Variants in GSE1 observed in about 807,000 individuals in gnomAD.
GSE1 encodes the protein genetic suppressor element 1.
GSE1 carries 32 observed loss-of-function variants against 112.6 expected under a neutral mutation model. The ratio of observed to expected loss-of-function variants is 0.28; its 90% CI spans 0.21 to 0.38. The LOEUF (loss-of-function observed/expected upper bound fraction) is 0.38. Ranked by LOEUF, GSE1 falls within the 10% of genes least tolerant of loss-of-function variation. GSE1 has a pLI of 1.00. For synonymous variants in GSE1, 1,115 were observed against 735.6 expected, an observed-to-expected ratio of 1.52 and a Z score of -8.35; for missense variants, 2,348 against 1,699.2, an observed-to-expected ratio of 1.38 and a Z score of -6.71.
chr16:85,545,884 G>A (rs1436905793), intron 2 of GSE1, among the ~76,000 whole-genome samples: 1 of 152,064 alleles, frequency 6.6e-6, no homozygotes, highest in Non-Finnish European at 1.5e-5. Context: ...CCGGGTTCAC[G>A]CCATTCTTCT....
intron 2 of GSE1, among the ~76,000 whole-genome samples, chr16:85,515,391 G>A (rs927116511): frequency 4.3e-4 from 65 of 152,368 alleles, no homozygotes; most frequent in African/African-American, 1.3e-3. Flanking sequence ...GTTAAGTAGC[G>A]AGCTGGCAGT....
At chr16:85,199,883 G>A (rs983330268) in intron 1 of GSE1, among the ~76,000 whole-genome samples, 7 of 152,228 alleles carry the variant, frequency 4.6e-5, no homozygotes, top group East Asian at 3.9e-4. Flanking sequence ...CTACTGCAGT[G>A]GTCCGAGCAC....
intron 2 of GSE1, among the ~76,000 whole-genome samples, chr16:85,462,706 A>G (rs1597827077): frequency 1.1e-5 from 1 of 89,336 alleles, no homozygotes; most frequent in Non-Finnish European, 2.4e-5. Flanking sequence ...GCGGCGCGGG[A>G]GGGAGGCGGG....
chr16:85,526,145 G>A lies in GSE1; in HGVS notation c.2465-107769G>A, dbSNP rs137988935. Among the ~76,000 whole-genome samples the A allele has an allele frequency of 3.0e-3, 459 of 152,272 alleles. 2 individuals carry two copies. Among genetic ancestry groups the A allele is most frequent in the African/African-American group, 9.4e-3 (390 of 41,542 alleles). Reference sequence around the variant, plus strand: ...ACACCTGACTCGCAGCCCACCAGCCGGACATCTCTGCACCCCCACCCTGTG... The same window carrying A: ...ACACCTGACTCGCAGCCCACCAGCCAGACATCTCTGCACCCCCACCCTGTG... On this transcript the variant is annotated intron_variant, in intron 2 of 2. Coordinates refer to the GSE1 transcript ENST00000637419.
chr16:85,326,037 AC>A (rs1390085648), intron 1 of GSE1, among the ~76,000 whole-genome samples: 2 of 152,058 alleles, frequency 1.3e-5, no homozygotes, highest in Non-Finnish European at 2.9e-5. Context: ...GTGAGCCACC[AC>A]CCCCAGCTCA....
At chr16:85,578,524 G>A (rs970798366) in intron 1 of GSE1, among the ~76,000 whole-genome samples, 4 of 152,144 alleles carry the variant, frequency 2.6e-5, no homozygotes, top group Non-Finnish European at 5.9e-5. Flanking sequence ...TGCAACAAGC[G>A]TGTGTTAGCT....
In GSE1 at chr16:85,419,870, C is replaced by T. The variant is rs910778018; in HGVS notation, c.2464+62227C>T. 2.0e-5 allele frequency among the ~76,000 whole-genome samples: 3 copies of T among 152,054 alleles called. No homozygotes were observed. The highest frequency in any genetic ancestry group is 2.1e-4 in the South Asian group (1 of 4,812). On this transcript the variant is annotated intron_variant, in intron 2 of 2. Transcript: ENST00000637419. The surrounding 1 kb of genome is among the most constrained non-coding windows in gnomAD (Gnocchi z 6.5). The stretch of plus-strand genomic sequence containing the variant: ...GGAGTGGGCAGCCAGGGCTGACCAC[C>T]ACTGCTCTGGGAGGGTCAGAGTCGG...
At chr16:85,556,787 C>T (rs1191821109) in intron 1 of GSE1, among the ~76,000 whole-genome samples, 3 of 147,152 alleles carry the variant, frequency 2.0e-5, no homozygotes, top group African/African-American at 7.5e-5. Context: ...ATTTCCCTCT[C>T]CCTCCAGCCA....
intron 1 of GSE1, among the ~76,000 whole-genome samples, chr16:85,600,409 A>T (rs1049872958): frequency 6.6e-6 from 1 of 151,786 alleles, no homozygotes; most frequent in Non-Finnish European, 1.5e-5. Context: ...GGGGAAGGCC[A>T]GGCTGAGGGC....
At chr16:85,176,635 G>C (rs1597721864) in intron 1 of GSE1, among the ~76,000 whole-genome samples, 1 of 152,272 alleles carries the variant, frequency 6.6e-6, no homozygotes, top group Non-Finnish European at 1.5e-5. Flanking sequence ...TGTCCGGAGA[G>C]CATTCTGGTT....
At chr16:85,331,365 GTATA>G (rs1169859492) in intron 1 of GSE1, among the ~76,000 whole-genome samples, 7 of 101,132 alleles carry the variant, frequency 6.9e-5, no homozygotes, top group African/African-American at 2.4e-4. Flanking sequence ...GTGTGTGTGT[GTATA>G]TATGTATATA....
At chr16:85,601,348 C>G (rs1027590226) in intron 1 of GSE1, among the ~76,000 whole-genome samples, 1 of 151,944 alleles carries the variant, frequency 6.6e-6, no homozygotes, top group Non-Finnish European at 1.5e-5. Context: ...GCCAGGCCCA[C>G]GGCAGTCAGG....
chr16:85,666,382 C>A (rs1428420030), intron 13 of GSE1, 35 bp downstream of exon 13: 2 of 1,611,386 alleles, frequency 1.2e-6, no homozygotes, highest in Admixed American at 1.7e-5. Flanking sequence ...CAGCTCTCGG[C>A]TGTGGTTGAG....
intron 1 of GSE1, among the ~76,000 whole-genome samples, chr16:85,208,788 T>C (rs926883872): frequency 1.3e-5 from 2 of 151,236 alleles, no homozygotes; most frequent in African/African-American, 4.9e-5. Flanking sequence ...CGCCGCGTGT[T>C]GGGGTTCGCC....
intron 1 of GSE1, among the ~76,000 whole-genome samples, chr16:85,350,731 G>A (rs776294144): frequency 6.6e-6 from 1 of 152,198 alleles, no homozygotes; most frequent in Admixed American, 6.5e-5. Flanking sequence ...AGAAGAGTTC[G>A]TTGAATTTCC....
intron 1 of GSE1, among the ~76,000 whole-genome samples, chr16:85,329,422 C>T (rs988686011): frequency 2.0e-5 from 3 of 152,072 alleles, no homozygotes; most frequent in African/African-American, 4.8e-5. Context: ...ACAGCCCCAG[C>T]CCCAGGGGCT....
At chr16:85,265,402 C>T (rs917912521) in intron 1 of GSE1, among the ~76,000 whole-genome samples, 2 of 152,216 alleles carry the variant, frequency 1.3e-5, no homozygotes, top group East Asian at 3.8e-4. Flanking sequence ...TGTCCTCCCC[C>T]TGTTGAGTCT....
chr16:85,464,941 CA>C (rs1360518220), intron 2 of GSE1, among the ~76,000 whole-genome samples: 1 of 152,182 alleles, frequency 6.6e-6, no homozygotes, highest in Non-Finnish European at 1.5e-5. Flanking sequence ...ATGGCAGCAT[CA>C]GGGGGAGGGC....
chr16:85,265,083 CTT>C (rs1908100237), intron 1 of GSE1, among the ~76,000 whole-genome samples: 1 of 152,216 alleles, frequency 6.6e-6, no homozygotes, highest in Non-Finnish European at 1.5e-5. Flanking sequence ...AACGCGCACT[CTT>C]ATCACTGCAA....
Sources: gnomAD v4.1 joint callset for allele counts (sites outside exome capture counted in the v4.1 genomes callset) on GRCh38, gnomAD v4.1.1 for gene constraint, Gnocchi (gnomAD v3.1) non-coding constraint, MANE v1.5 for transcripts, NCBI Gene and HGNC (gene_info 2026-07-23, HGNC 2026-07-21) for gene names.